CCDC7: variants seen among roughly 807,000 people sequenced by gnomAD.
CCDC7 encodes coiled-coil domain-containing protein 7.
In CCDC7, 183 loss-of-function variants were observed where a neutral mutation model predicts 196.9. The ratio of observed to expected loss-of-function variants is 0.93; its 90% CI spans 0.82 to 1.05. The LOEUF (loss-of-function observed/expected upper bound fraction) is 1.05. Among genes scored for constraint, CCDC7 ranks in the 50% least tolerant of loss-of-function variants. The pLI, the probability that CCDC7 is intolerant of heterozygous loss-of-function variation, is 0.00. For missense variants in CCDC7, 1,540 were observed against 1,482.2 expected (o/e 1.04, Z -0.64); for synonymous variants, 525 against 484.6 (o/e 1.08, Z -1.10).
intron 5 of CCDC7, among the ~76,000 whole-genome samples, chr10:32,469,256 G>A (rs1588889496): frequency 6.6e-6 from 1 of 152,144 alleles, no homozygotes; most frequent in Admixed American, 6.5e-5. Context: ...TCTACTAAAG[G>A]ATATTGATAG....
chr10:32,463,493 C>CA (rs2036162779), intron 5 of CCDC7, among the ~76,000 whole-genome samples: 1 of 152,100 alleles, frequency 6.6e-6, no homozygotes, highest in South Asian at 2.1e-4. Context: ...ACTTTTGATT[C>CA]AGGCACTTTG....
chr10:32,462,886 T>G lies in CCDC7; in HGVS notation c.478-131T>G, dbSNP rs2036021855. 2.8e-6 allele frequency: 4 copies of G among 1,404,208 alleles called. No homozygotes were observed. The Admixed American group carries it at 9.3e-5, about 33-fold the overall frequency. The allele number at this position is 1,404,208 out of a possible 1,614,324, so 87.0% of individuals were successfully genotyped here. On this transcript the variant is annotated intron_variant, in intron 4 of 41. Transcript: ENST00000639629. ...CCCCATTCTGAATCCCAAGTGATGT[T>G]TCGGTCAGGGCTGATATTTGATGGA...
intron 30 of CCDC7, among the ~76,000 whole-genome samples, chr10:32,812,186 A>C (rs2087303788): frequency 6.6e-6 from 1 of 152,070 alleles, no homozygotes; most frequent in South Asian, 2.1e-4. Context: ...ATATAACCAA[A>C]TATCACATGT....
chr10:32,676,471 C>T (rs1454942182), intron 21 of CCDC7, among the ~76,000 whole-genome samples: 1 of 151,416 alleles, frequency 6.6e-6, no homozygotes. Context: ...ACCTACTCAT[C>T]TGACAAAGGG....
chr10:32,553,101 G>A (rs908306305), intron 13 of CCDC7, among the ~76,000 whole-genome samples: 2 of 115,550 alleles, frequency 1.7e-5, no homozygotes, highest in African/African-American at 7.0e-5. Context: ...ATTTCTTGGA[G>A]TCTTTTTTTT....
At chr10:32,460,223 C>T (rs1377229272) in intron 3 of CCDC7, among the ~76,000 whole-genome samples, 5 of 151,954 alleles carry the variant, frequency 3.3e-5, no homozygotes, top group South Asian at 2.1e-4. Context: ...GTATACCTGA[C>T]GTATATGTGT....
intron 13 of CCDC7, among the ~76,000 whole-genome samples, chr10:32,549,724 A>C (rs917668772): frequency 6.6e-6 from 1 of 152,126 alleles, no homozygotes; most frequent in Non-Finnish European, 1.5e-5. Context: ...AGTTGGCTGT[A>C]AGTATTTGGG....
At chr10:32,511,912 G>A in intron 9 of CCDC7, 1 of 594,810 alleles carries the variant, frequency 1.7e-6, no homozygotes, top group Non-Finnish European at 3.0e-6. Flanking sequence ...TAAAAGTATA[G>A]GATAAAATAT....
chr10:32,649,546 T>A (rs2068356066), intron 20 of CCDC7, among the ~76,000 whole-genome samples: 1 of 152,208 alleles, frequency 6.6e-6, no homozygotes, highest in Non-Finnish European at 1.5e-5. Flanking sequence ...CTGTATTTCT[T>A]GGATTTGCAT....
At chr10:32,522,920 T>C (rs149175240) in intron 11 of CCDC7, among the ~76,000 whole-genome samples, 41 of 152,272 alleles carry the variant, frequency 2.7e-4, no homozygotes, top group Admixed American at 2.5e-3. Flanking sequence ...CATTGACTGA[T>C]TGGTCATTCA....
At chr10:32,668,879 C>G (rs909916220) in intron 21 of CCDC7, among the ~76,000 whole-genome samples, 2 of 152,008 alleles carry the variant, frequency 1.3e-5, no homozygotes, top group African/African-American at 4.8e-5. Context: ...AATTTGAATG[C>G]CTTCTGTTTC....
rs572918196 is a variant in CCDC7, at chr10:32,869,789, C to CCAGTTTTCT, written c.4112-6555_4112-6554insTTTTCTCAG. On this transcript the variant is annotated intron_variant, in intron 41 of 41. Transcript: ENST00000639629. Reference sequence around the variant, plus strand: ...GTTTCAGCTTTCTACATATAGCTAGCCAGCACCATTTATTAAATAGGGAAT... The same window carrying CCAGTTTTCT: ...GTTTCAGCTTTCTACATATAGCTAGCCAGTTTTCTCAGCACCATTTATTAAATAGGGAAT... Among the ~76,000 whole-genome samples the CCAGTTTTCT allele has an allele frequency of 8.9e-3, 715 of 80,492 alleles. 3 individuals carry two copies. The highest frequency in any genetic ancestry group is 0.019 in the Non-Finnish European group (439 of 22,592). The allele number at this position is 80,492 out of a possible 152,430, so 52.8% of individuals were successfully genotyped here.
chr10:32,446,949 C>CTCTTCCCTT (rs2031407138), upstream of CCDC7, among the ~76,000 whole-genome samples: 7 of 16,612 alleles, frequency 4.2e-4, no homozygotes, highest in Non-Finnish European at 6.4e-4. Flanking sequence ...TTCCCTTCCT[C>CTCTTCCCTT]CCTCCCTCCC....
chr10:32,629,939 G>GAGGGAGTC (rs1198039613), intron 18 of CCDC7, among the ~76,000 whole-genome samples: 1 of 152,194 alleles, frequency 6.6e-6, no homozygotes, highest in Non-Finnish European at 1.5e-5. Flanking sequence ...ACCTTGTAGA[G>GAGGGAGTC]AGGGAGTCTT....
At chr10:32,591,443 G>T (rs971263193) in intron 18 of CCDC7, among the ~76,000 whole-genome samples, 1 of 151,808 alleles carries the variant, frequency 6.6e-6, no homozygotes, top group African/African-American at 2.4e-5. Flanking sequence ...GCAAATTTAA[G>T]GATTATTGGC....
chr10:32,519,586 T>G (rs937095879), intron 11 of CCDC7, among the ~76,000 whole-genome samples: 9 of 152,072 alleles, frequency 5.9e-5, no homozygotes, highest in African/African-American at 1.7e-4. Flanking sequence ...TTTAAAAAAA[T>G]TTTTATTTTT....
chr10:32,670,070 G>T (rs1456544345), intron 21 of CCDC7, among the ~76,000 whole-genome samples: 4 of 152,080 alleles, frequency 2.6e-5, no homozygotes, highest in Non-Finnish European at 5.9e-5. Context: ...TATTTCTGGG[G>T]TCGGGACATG....
At chr10:32,546,971 A>G (rs1333740876) in intron 13 of CCDC7, among the ~76,000 whole-genome samples, 3 of 152,050 alleles carry the variant, frequency 2.0e-5, no homozygotes, top group African/African-American at 4.8e-5. Flanking sequence ...TGTTCGTATC[A>G]TAGCACCTTT....
At chr10:32,774,201 C>T (rs1312488809) in intron 28 of CCDC7, among the ~76,000 whole-genome samples, 1 of 152,124 alleles carries the variant, frequency 6.6e-6, no homozygotes, top group Non-Finnish European at 1.5e-5. Flanking sequence ...TATGGGCCAT[C>T]CACTTTACTC....
Sources: allele counts gnomAD v4.1 joint callset (sites outside exome capture counted in the v4.1 genomes callset), GRCh38; gene constraint gnomAD v4.1.1; transcripts MANE v1.5; gene names NCBI Gene and HGNC (gene_info 2026-07-23, HGNC 2026-07-21).